The following JAKMIP3 variants were observed in gnomAD, a reference collection of about 807,000 sequenced individuals.
The protein encoded by JAKMIP3 is Janus kinase and microtubule interacting protein 3.
In JAKMIP3, 58 loss-of-function variants were observed where a neutral mutation model predicts 118.5. The observed-to-expected ratio is 0.49, with a 90% confidence interval of 0.40 to 0.61. The LOEUF is 0.61. JAKMIP3 is among the 20% of genes least tolerant of loss of function. The pLI is 0.00. For missense variants in JAKMIP3, 950 were observed against 1,109.0 expected, an observed-to-expected ratio of 0.86 and a Z score of 2.04; for synonymous variants, 486 against 451.2, an observed-to-expected ratio of 1.08 and a Z score of -0.98.
Position 132,168,019 on chromosome 10 carries a change from G to T in JAKMIP3, c.*89G>T. On this transcript the variant is annotated 3_prime_UTR_variant, in exon 23 of 24. Coordinates refer to ENST00000684848, the MANE Select transcript of JAKMIP3 (RefSeq NM_001323087.2). ...AAGCAGGGACAAAATGGGACGTCGC[G>T]TCTCCATCCTGAAGACCCAGGGAGA... The T allele has an allele frequency of 7.8e-7, 1 of 1,289,564 alleles. No homozygotes were observed. The highest frequency in any genetic ancestry group is 1.2e-5 in the South Asian group (1 of 81,024). The allele number at this position is 1,289,564 out of a possible 1,614,324, so 79.9% of individuals were successfully genotyped here.
upstream of JAKMIP3, among the ~76,000 whole-genome samples, chr10:132,061,561 T>C (rs1279777227): frequency 6.6e-6 from 1 of 152,216 alleles, no homozygotes; most frequent in Admixed American, 6.5e-5. Context: ...TTGAAGATTA[T>C]ATCACTAGAG....
Position 132,118,742 on chromosome 10 carries a change from C to A in JAKMIP3, c.633+1168C>A, listed in dbSNP as rs750557696. Among the ~76,000 whole-genome samples, 51 of 152,244 alleles carry A rather than the reference C, an allele frequency of 3.3e-4. No homozygotes were observed. Among genetic ancestry groups the A allele is most frequent in the Non-Finnish European group, 5.4e-4 (37 of 68,040 alleles). On this transcript the variant is annotated intron_variant, in intron 3 of 23. Coordinates refer to ENST00000684848, the MANE Select transcript of JAKMIP3 (RefSeq NM_001323087.2). This position sits in a 1 kb window ranked among gnomAD's most constrained non-coding sequence, Gnocchi z 4.8. ...GTGGTCCCTGTTCCAACCTCCCCTA[C>A]ACCTCTTCGCCCTGTCCCAAGCCAC...
chr10:132,068,631 A>G (rs2039320934), intron 1 of JAKMIP3, among the ~76,000 whole-genome samples: 1 of 152,066 alleles, frequency 6.6e-6, no homozygotes, highest in African/African-American at 2.4e-5. Flanking sequence ...CCTGTCCTGC[A>G]CCTTAGCCCC....
chr10:132,072,817 G>C (rs937715236), intron 1 of JAKMIP3, among the ~76,000 whole-genome samples: 4 of 149,764 alleles, frequency 2.7e-5, no homozygotes, highest in African/African-American at 9.9e-5. Context: ...TATGTATATT[G>C]TACAGTGGCG....
intron 1 of JAKMIP3, among the ~76,000 whole-genome samples, chr10:132,040,254 A>G (rs2037689131): frequency 6.6e-6 from 1 of 152,224 alleles, no homozygotes; most frequent in African/African-American, 2.4e-5. Flanking sequence ...TCTGTAAGCC[A>G]GGAAGGACCC....
chr10:132,165,092 G>A (rs1308744915), intron 21 of JAKMIP3, among the ~76,000 whole-genome samples: 1 of 152,250 alleles, frequency 6.6e-6, no homozygotes, highest in Non-Finnish European at 1.5e-5. Flanking sequence ...TGGGCTGTGT[G>A]GAAGCCTTTG....
chr10:132,159,135 C>T (rs1261016807), intron 19 of JAKMIP3, among the ~76,000 whole-genome samples: 8 of 89,842 alleles, frequency 8.9e-5, no homozygotes, highest in Non-Finnish European at 1.6e-4. Flanking sequence ...ATTCTGGGGG[C>T]GTCTCTCCTT....
rs80274353 is a variant in JAKMIP3 at position 132,126,845 on chromosome 10, T to C, written c.634-6467T>C. Among the ~76,000 whole-genome samples, 1,416 of 152,324 alleles carry C rather than the reference T, an allele frequency of 9.3e-3. 80 individuals are homozygous for C. In the East Asian group the frequency reaches 0.18, roughly 20 times the overall value. ...TTTTGGAATAAATTTTACTGGGCCA[T>C]GATATATTGTCTATTTTATATATAA... On this transcript the variant is annotated intron_variant, in intron 3 of 23. Coordinates refer to ENST00000684848, the MANE Select transcript of JAKMIP3 (RefSeq NM_001323087.2).
At chr10:132,137,408 G>A (rs905929732) in intron 8 of JAKMIP3, 119 bp downstream of exon 8, 95 of 1,304,692 alleles carry the variant, frequency 7.3e-5, no homozygotes, top group Admixed American at 2.6e-4. Flanking sequence ...GCAGCCTTTC[G>A]GGTGGATTTT....
At chr10:132,180,624 T>TGTGTGTGTGC in intron 23 of JAKMIP3, among the ~76,000 whole-genome samples, 1 of 18,080 alleles carries the variant, frequency 5.5e-5, no homozygotes, top group African/African-American at 2.6e-4. Context: ...TGCGTGTGTG[T>TGTGTGTGTGC]GCGTGTGTGC....
chr10:132,116,959 G>A lies in JAKMIP3; in HGVS notation c.136-118G>A, dbSNP rs182045406. The A allele has an allele frequency of 8.3e-4, 993 of 1,198,328 alleles. 15 individuals are homozygous for A. The African/African-American group carries it at 0.014, about 17-fold the overall frequency. The allele number at this position is 1,198,328 out of a possible 1,614,324, so 74.2% of individuals were successfully genotyped here. A position where few individuals can be genotyped will look rare whatever the true frequency, so the allele number is the denominator to read the frequency against. On this transcript the variant is annotated intron_variant, in intron 2 of 23. Transcript: ENST00000684848. ...TGTGTGCAACGTGGAAGCTCCCCTT[G>A]AATACACATTCAGGTGTGAGTGTGT...
intron 1 of JAKMIP3, among the ~76,000 whole-genome samples, chr10:132,082,179 G>C (rs75527882): frequency 2.3e-5 from 3 of 132,382 alleles, no homozygotes; most frequent in African/African-American, 5.6e-5. Context: ...TGGGGGGGGG[G>C]GCTGAATTTT....
chr10:132,089,100 G>T (rs1381716028), intron 1 of JAKMIP3, among the ~76,000 whole-genome samples: 1 of 152,094 alleles, frequency 6.6e-6, no homozygotes, highest in Non-Finnish European at 1.5e-5. Flanking sequence ...ATGCTGTTTT[G>T]GTTACTCTAG....
intron 1 of JAKMIP3, among the ~76,000 whole-genome samples, chr10:132,089,313 C>T (rs1289118967): frequency 6.6e-6 from 1 of 152,152 alleles, no homozygotes; most frequent in Non-Finnish European, 1.5e-5. Flanking sequence ...TGGCCATTTT[C>T]ACGATATTGA....
chr10:132,159,373 T>TGGGG (rs570632179), intron 19 of JAKMIP3, among the ~76,000 whole-genome samples: 1 of 25,556 alleles, frequency 3.9e-5, no homozygotes, highest in Non-Finnish European at 7.6e-5. Flanking sequence ...TGATGCTGGT[T>TGGGG]GGGGGGGGTC....
At chr10:132,152,933 A>AC in intron 16 of JAKMIP3, 25 bp from the exon 17 acceptor site, 1 of 1,583,606 alleles carries the variant, frequency 6.3e-7, no homozygotes, top group Non-Finnish European at 8.6e-7. Context: ...TTCTGACCGC[A>AC]CCTGTGTTCT....
upstream of JAKMIP3, among the ~76,000 whole-genome samples, chr10:132,063,500 A>T (rs2038479071): frequency 6.6e-6 from 1 of 152,218 alleles, no homozygotes; most frequent in South Asian, 2.1e-4. Flanking sequence ...CAATGAGCAC[A>T]TTTCACTTTT....
intron 23 of JAKMIP3, among the ~76,000 whole-genome samples, chr10:132,174,494 A>G (rs1040615169): frequency 3.9e-5 from 6 of 151,912 alleles, no homozygotes; most frequent in African/African-American, 1.5e-4. Context: ...CCCTCGGGTG[A>G]AAGGACCACA....
chr10:132,167,336 A>G (rs1403544998), intron 22 of JAKMIP3, among the ~76,000 whole-genome samples: 1 of 152,202 alleles, frequency 6.6e-6, no homozygotes. Context: ...ACCCCAGTGT[A>G]GCAGAAACAT....
Sources: gnomAD v4.1 joint callset for allele counts (sites outside exome capture counted in the v4.1 genomes callset) on GRCh38, gnomAD v4.1.1 for gene constraint, Gnocchi (gnomAD v3.1) non-coding constraint, MANE v1.5 for transcripts, NCBI Gene and HGNC (gene_info 2026-07-23, HGNC 2026-07-21) for gene names.